ARMC8: variants seen among roughly 807,000 people sequenced by gnomAD.
The protein encoded by ARMC8 is armadillo repeat containing 8, also known as armadillo repeat-containing protein 8.
In ARMC8, 20 loss-of-function variants were observed where a neutral mutation model predicts 99.3. The observed-to-expected ratio is 0.20, with a 90% CI of 0.14 to 0.29. The LOEUF (loss-of-function observed/expected upper bound fraction) is 0.29. Ranked by LOEUF, ARMC8 falls within the 10% of genes least tolerant of loss-of-function variation. The pLI is 1.00. For missense variants in ARMC8, 569 were observed against 809.5 expected (o/e 0.70, Z 3.60); for synonymous variants, 263 against 278.3 (o/e 0.95, Z 0.55).
At chr3:138,289,744 C>T (rs2050763544) in intron 20 of ARMC8, among the ~76,000 whole-genome samples, 1 of 152,108 alleles carries the variant, frequency 6.6e-6, no homozygotes, top group Middle Eastern at 3.2e-3. Context: ...GTAGCAAATA[C>T]AGGAGAGCAG....
Position 138,296,210 on chromosome 3 carries a change from G to C in ARMC8, c.*318G>C. Reference sequence around the variant, plus strand: ...CTGCAGCCACTTTGTGAGTGAGAATGAATATGTCTGTGTGAACACACAGGC... The same window carrying C: ...CTGCAGCCACTTTGTGAGTGAGAATCAATATGTCTGTGTGAACACACAGGC... On this transcript the variant is annotated 3_prime_UTR_variant, in exon 22 of 22. Transcript: ENST00000469044. 1 of 269,656 alleles carries C rather than the reference G, an allele frequency of 3.7e-6. No individual in the cohort carries two copies. Among genetic ancestry groups the C allele is most frequent in the Non-Finnish European group, 7.1e-6 (1 of 141,194 alleles). 16.7% of individuals were successfully genotyped at this position (269,656 alleles called of 1,614,324 possible).
chr3:138,256,767 C>T (rs2047431575), intron 12 of ARMC8, among the ~76,000 whole-genome samples: 1 of 152,076 alleles, frequency 6.6e-6, no homozygotes, highest in Non-Finnish European at 1.5e-5. Flanking sequence ...GTATAGTATA[C>T]TAATCTTTAT....
In ARMC8 at chr3:138,187,364, C is replaced by T; in HGVS notation, c.-191C>T. The stretch of plus-strand genomic sequence containing the variant: ...TCTGAGAGAACGATTCGTAGGACAG[C>T]CCCTGACGCCATTCCCTTTTGCCCT... On this transcript the variant is annotated 5_prime_UTR_variant, in exon 1 of 22. Transcript: ENST00000469044. 1 of 578,990 alleles carries T rather than the reference C, an allele frequency of 1.7e-6. No homozygotes were observed. The highest frequency in any genetic ancestry group is 3.1e-6 in the Non-Finnish European group (1 of 324,460). The allele number at this position is 578,990 out of a possible 1,614,324, so 35.9% of individuals were successfully genotyped here.
chr3:138,283,842 A>G (rs1450953857), intron 18 of ARMC8, among the ~76,000 whole-genome samples: 3 of 152,200 alleles, frequency 2.0e-5, no homozygotes, highest in Non-Finnish European at 4.4e-5. Flanking sequence ...AAGTTGCTTC[A>G]TACATTTTAC....
chr3:138,250,934 C>T (rs1576767766), intron 12 of ARMC8, among the ~76,000 whole-genome samples: 1 of 152,112 alleles, frequency 6.6e-6, no homozygotes, highest in East Asian at 1.9e-4. Flanking sequence ...ATTGCTTTAG[C>T]TCAGGAGTTC....
At chr3:138,229,178 ATATATG>A (rs758910075) in intron 6 of ARMC8, 168 bp downstream of exon 6, 3,848 of 31,226 alleles carry the variant, frequency 0.12, 416 homozygotes, top group East Asian at 0.33. Context: ...ATATATATAT[ATATATG>A]TATATGTATA....
At chr3:138,274,000 T>C (rs1370576127) in intron 17 of ARMC8, among the ~76,000 whole-genome samples, 1 of 152,170 alleles carries the variant, frequency 6.6e-6, no homozygotes, top group Admixed American at 6.6e-5. Flanking sequence ...GTATTTGTAG[T>C]AGAGACGGGG....
chr3:138,236,706 G>A (rs926445930), intron 7 of ARMC8, among the ~76,000 whole-genome samples: 1 of 150,750 alleles, frequency 6.6e-6, no homozygotes, highest in African/African-American at 2.4e-5. Context: ...TTAGAAGTGA[G>A]GATTAGATTG....
At chr3:138,281,169 AGTT>A (rs936084606) in intron 18 of ARMC8, among the ~76,000 whole-genome samples, 1 of 151,998 alleles carries the variant, frequency 6.6e-6, no homozygotes, top group African/African-American at 2.4e-5. Flanking sequence ...CTTGATTTCC[AGTT>A]GTTCATATTA....
Position 138,245,117 on chromosome 3 carries a change from A to C in ARMC8, c.1068A>C (p.Glu356Asp). 6.2e-7 allele frequency: 1 copy of C among 1,614,056 alleles called. No homozygotes were observed. The highest frequency in any genetic ancestry group is 8.5e-7 in the Non-Finnish European group (1 of 1,179,980). ...RLDHDLKHAH[E>D]LRQAAFKLYA... The stretch of plus-strand genomic sequence containing the variant: ...ATCATGATTTAAAACATGCTCACGA[A>C]CTCCGCCAGGCTGCATTCAAGCTCT... The change falls in exon 12 of 22, where the codon GAA becomes GAC. Residue 356 changes from glutamate (E) to aspartate (D), a missense_variant. Glu to Asp is a conservative substitution (Grantham distance 45). Coordinates refer to ENST00000469044, the MANE Select transcript of ARMC8 (RefSeq NM_001363941.2).
intron 10 of ARMC8, among the ~76,000 whole-genome samples, chr3:138,240,482 G>A (rs1452160728): frequency 6.6e-6 from 1 of 152,026 alleles, no homozygotes; most frequent in African/African-American, 2.4e-5. Flanking sequence ...TTCTGCATTG[G>A]TAAAATGTTA....
intron 12 of ARMC8, among the ~76,000 whole-genome samples, chr3:138,258,998 C>T (rs1027239511): frequency 1.3e-5 from 2 of 152,142 alleles, no homozygotes; most frequent in African/African-American, 2.4e-5. Flanking sequence ...GAGCTATGGC[C>T]GAGGAGTCTC....
intron 12 of ARMC8, chr3:138,262,590 A>C (rs755001282): frequency 1.3e-6 from 2 of 1,582,374 alleles, no homozygotes; most frequent in African/African-American, 1.4e-5. Flanking sequence ...GACTCACCTG[A>C]GGAGATTAAA....
intron 19 of ARMC8, chr3:138,287,483 T>A (rs1462230079): frequency 5.5e-6 from 2 of 363,418 alleles, no homozygotes; most frequent in Non-Finnish European, 1.1e-5. Context: ...TCATAGTAAT[T>A]TGTGTCCTTA....
intron 12 of ARMC8, among the ~76,000 whole-genome samples, chr3:138,258,797 T>C (rs2047525758): frequency 6.6e-6 from 1 of 152,174 alleles, no homozygotes; most frequent in South Asian, 2.1e-4. Context: ...ATTTTTTGTG[T>C]TACTTAATTC....
chr3:138,253,079 G>C (rs1428342455), intron 12 of ARMC8, among the ~76,000 whole-genome samples: 1 of 151,944 alleles, frequency 6.6e-6, no homozygotes, highest in African/African-American at 2.4e-5. Flanking sequence ...AAGGTTCTCT[G>C]AATAAGATTT....
chr3:138,188,183 G>A (rs562474765), intron 1 of ARMC8: 20 of 313,176 alleles, frequency 6.4e-5, no homozygotes, highest in Admixed American at 4.2e-5. Context: ...CCTAGTGTGT[G>A]TGGTTTTTTA....
intron 12 of ARMC8, among the ~76,000 whole-genome samples, chr3:138,252,522 C>T (rs1195944785): frequency 3.4e-5 from 5 of 148,704 alleles, no homozygotes; most frequent in South Asian, 2.1e-4. Context: ...GGCACGATCT[C>T]GGCTCACTGC....
At chr3:138,222,576 G>A (rs1252865652) in intron 3 of ARMC8, among the ~76,000 whole-genome samples, 2 of 152,042 alleles carry the variant, frequency 1.3e-5, no homozygotes, top group Non-Finnish European at 2.9e-5. Context: ...AGTTTTCTGT[G>A]CAATTGCTAT....
Sources: allele counts gnomAD v4.1 joint callset (sites outside exome capture counted in the v4.1 genomes callset), GRCh38; gene constraint gnomAD v4.1.1; transcripts MANE v1.5; gene names NCBI Gene and HGNC (gene_info 2026-07-23, HGNC 2026-07-21).